The following IQCJ variants were observed in gnomAD, a reference collection of about 807,000 sequenced individuals.
The protein encoded by IQCJ is IQ domain-containing protein J.
In IQCJ, 9 loss-of-function variants were observed where a neutral mutation model predicts 11.0. That is an observed-to-expected ratio of 0.82 (90% CI 0.49 to 1.43). The LOEUF is 1.43. IQCJ is among the 40% of genes most tolerant of loss of function. The pLI is 0.00. For missense variants in IQCJ, 146 were observed against 133.2 expected, an observed-to-expected ratio of 1.10 and a Z score of -0.47; for synonymous variants, 55 against 51.3, an observed-to-expected ratio of 1.07 and a Z score of -0.31.
At chr3:159,216,193 T>C (rs1292872166) in intron 1 of IQCJ, among the ~76,000 whole-genome samples, 2 of 151,874 alleles carry the variant, frequency 1.3e-5, no homozygotes, top group Non-Finnish European at 2.9e-5. Flanking sequence ...TTGCCACCGA[T>C]TGTCTAGTGT....
At chr3:159,169,322 T>C (rs1288697924) in intron 1 of IQCJ, among the ~76,000 whole-genome samples, 2 of 148,778 alleles carry the variant, frequency 1.3e-5, no homozygotes, top group Admixed American at 1.4e-4. Context: ...TTTGCTCTTA[T>C]TGTCCAGGCT....
chr3:159,134,471 C>A (rs1255142542), intron 1 of IQCJ, among the ~76,000 whole-genome samples: 1 of 152,148 alleles, frequency 6.6e-6, no homozygotes, highest in Non-Finnish European at 1.5e-5. Context: ...TTTATGATTA[C>A]ACATTTAGAA....
chr3:159,173,625 T>A (rs1289626443), intron 1 of IQCJ, among the ~76,000 whole-genome samples: 1 of 152,190 alleles, frequency 6.6e-6, no homozygotes, highest in Non-Finnish European at 1.5e-5. Flanking sequence ...AATTCTAGAT[T>A]TTCCCTTCAT....
chr3:159,094,896 C>A (rs965003481), intron 1 of IQCJ, among the ~76,000 whole-genome samples: 3 of 151,762 alleles, frequency 2.0e-5, no homozygotes, highest in African/African-American at 7.3e-5. Flanking sequence ...GTACCTGTAT[C>A]AGTAGTTACA....
chr3:159,150,617 T>C (rs949197704), intron 1 of IQCJ, among the ~76,000 whole-genome samples: 17 of 132,228 alleles, frequency 1.3e-4, no homozygotes, highest in African/African-American at 3.2e-4. Flanking sequence ...CACACACACA[T>C]ATTCTGGGGG....
At chr3:159,117,363 G>A (rs982732304) in intron 1 of IQCJ, among the ~76,000 whole-genome samples, 8 of 152,140 alleles carry the variant, frequency 5.3e-5, no homozygotes, top group South Asian at 2.1e-4. Flanking sequence ...AAAGGGCTGC[G>A]CTTCCGACCC....
intron 1 of IQCJ, among the ~76,000 whole-genome samples, chr3:159,076,671 G>C (rs1025078156): frequency 2.0e-5 from 3 of 152,062 alleles, no homozygotes; most frequent in Admixed American, 6.6e-5. Context: ...TCTTAGTATT[G>C]CTGTGAGGAT....
intron 1 of IQCJ, among the ~76,000 whole-genome samples, chr3:159,117,228 G>A (rs1343225504): frequency 6.6e-6 from 1 of 152,116 alleles, no homozygotes; most frequent in African/African-American, 2.4e-5. Flanking sequence ...CCTACAGATT[G>A]TTGAAGCTCT....
At chr3:159,169,955 G>T (rs1722402360) in intron 1 of IQCJ, among the ~76,000 whole-genome samples, 1 of 152,080 alleles carries the variant, frequency 6.6e-6, no homozygotes, top group Non-Finnish European at 1.5e-5. Flanking sequence ...CAAGCAGATT[G>T]TCTTCCACCC....
intron 1 of IQCJ, among the ~76,000 whole-genome samples, chr3:159,137,317 A>G (rs1475953973): frequency 6.6e-6 from 1 of 152,082 alleles, no homozygotes; most frequent in Admixed American, 6.6e-5. Context: ...CACATGATTC[A>G]CATTTACTTA....
At chr3:159,239,324 G>T (rs1173283773) in intron 1 of IQCJ, among the ~76,000 whole-genome samples, 1 of 152,136 alleles carries the variant, frequency 6.6e-6, no homozygotes, top group Non-Finnish European at 1.5e-5. Context: ...CTAGAATGTG[G>T]ATAGTCAGAT....
Position 159,228,038 on chromosome 3 carries a change from T to C in IQCJ, c.10-17805T>C, listed in dbSNP as rs550820378. ...CACAATTCTAGGCAATTCTGAATAG[T>C]AGAGATTCCATTCCATGTTCTGTTC... is the stretch of plus-strand genomic sequence containing the variant. On this transcript the variant is annotated intron_variant, in intron 1 of 3. Transcript: ENST00000397832. Among the ~76,000 whole-genome samples the C allele has an allele frequency of 9.2e-5, 14 of 152,342 alleles. No individual in the cohort carries two copies. The South Asian group carries it at 2.5e-3, about 27-fold the overall frequency.
intron 1 of IQCJ, among the ~76,000 whole-genome samples, chr3:159,109,114 C>T (rs1446000472): frequency 2.6e-5 from 4 of 152,224 alleles, no homozygotes; most frequent in Non-Finnish European, 5.9e-5. Flanking sequence ...AGGCTTATGG[C>T]AGCTTGAGCT....
At chr3:159,140,893 G>C (rs993215337) in intron 1 of IQCJ, among the ~76,000 whole-genome samples, 1 of 152,196 alleles carries the variant, frequency 6.6e-6, no homozygotes, top group Non-Finnish European at 1.5e-5. Flanking sequence ...CCAGAACTAA[G>C]AAAATCAGGG....
At chr3:159,254,734 C>G (rs891690326) in intron 3 of IQCJ, among the ~76,000 whole-genome samples, 1 of 152,086 alleles carries the variant, frequency 6.6e-6, no homozygotes, top group African/African-American at 2.4e-5. Flanking sequence ...CCTCCTTCTC[C>G]CTTCCTTTAT....
At chr3:159,087,321 A>C (rs1716857503) in intron 1 of IQCJ, among the ~76,000 whole-genome samples, 2 of 151,154 alleles carry the variant, frequency 1.3e-5, no homozygotes. Flanking sequence ...TTGTTTTGCC[A>C]GTATTTTATT....
chr3:159,130,236 C>T (rs1325416856), intron 1 of IQCJ, among the ~76,000 whole-genome samples: 1 of 152,156 alleles, frequency 6.6e-6, no homozygotes, highest in African/African-American at 2.4e-5. Context: ...ATAAGCACCT[C>T]ATCTGTCTTT....
chr3:159,216,601 C>T (rs1383161834), intron 1 of IQCJ, among the ~76,000 whole-genome samples: 1 of 152,118 alleles, frequency 6.6e-6, no homozygotes, highest in Non-Finnish European at 1.5e-5. Context: ...CATTATGGTG[C>T]CCTTTGTTTC....
intron 1 of IQCJ, among the ~76,000 whole-genome samples, chr3:159,244,183 A>G (rs1196465190): frequency 6.6e-6 from 1 of 152,204 alleles, no homozygotes; most frequent in Non-Finnish European, 1.5e-5. Context: ...ATATTCGAGT[A>G]GAAGAGTGAA....
Sources: allele counts gnomAD v4.1 joint callset (sites outside exome capture counted in the v4.1 genomes callset), GRCh38; gene constraint gnomAD v4.1.1; transcripts MANE v1.5; gene names NCBI Gene and HGNC (gene_info 2026-07-23, HGNC 2026-07-21).